Variants in HROB observed in about 807,000 individuals in gnomAD.
The protein encoded by HROB is homologous recombination OB-fold protein.
Under a neutral mutation model 61.0 loss-of-function variants are expected in HROB, and 44 were observed. The observed-to-expected ratio is 0.72, with a 90% CI of 0.57 to 0.93. The LOEUF (loss-of-function observed/expected upper bound fraction) is 0.93. Among genes scored for constraint, HROB ranks in the 40% least tolerant of loss-of-function variants. The probability of loss-of-function intolerance (pLI) is 0.00; values close to 1 mark genes in which losing one functional copy is unlikely to be tolerated. For missense variants in HROB, 716 were observed against 796.2 expected, an observed-to-expected ratio of 0.90 and a Z score of 1.21; for synonymous variants, 301 against 310.4, an observed-to-expected ratio of 0.97 and a Z score of 0.32.
intron 9 of HROB, among the ~76,000 whole-genome samples, chr17:44,160,809 G>C (rs898004081): frequency 1.3e-5 from 2 of 152,138 alleles, no homozygotes; most frequent in African/African-American, 4.8e-5. Flanking sequence ...TCTTATCCTG[G>C]AATCTTGCAT....
intron 9 of HROB, among the ~76,000 whole-genome samples, chr17:44,158,569 G>C (rs982367397): frequency 6.6e-6 from 1 of 151,746 alleles, no homozygotes; most frequent in Admixed American, 6.6e-5. Flanking sequence ...CTGCATCCTC[G>C]GCCTCTAGGC....
At position 44,148,212 on chromosome 17, in the gene HROB, C is replaced by T; in HGVS notation, c.409C>T (p.Leu137=). Residue 137 remains leucine, a synonymous_variant, in exon 3 of 10, where the codon CTA becomes TTA. Coordinates refer to ENST00000585683, the MANE Select transcript of HROB (RefSeq NM_001171251.3). ...ACCTCAGTCCTCAGCCTTACACCCC[C>T]TACTCACCTTTGAGAGCCAACAGCA... ...ARPQSSALHP[L]LTFESQQQQV... The T allele has an allele frequency of 6.2e-7, 1 of 1,614,222 alleles. No individual in the cohort carries two copies. Among genetic ancestry groups the T allele is most frequent in the Non-Finnish European group, 8.5e-7 (1 of 1,180,028 alleles).
rs2053990949 is a variant in HROB, at chr17:44,157,019, A to G, written c.1771-814A>G. ...CACCATATTGGCCAGGCTAGTCTCA[A>G]ACTCCCGACCTCAAGTGATCCTCCT... On this transcript the variant is annotated intron_variant, in intron 8 of 9. Coordinates refer to ENST00000585683, the MANE Select transcript of HROB (RefSeq NM_001171251.3). Among the ~76,000 whole-genome samples the G allele has an allele frequency of 5.9e-5, 9 of 152,002 alleles. No individual in the cohort carries two copies. In the South Asian group the frequency reaches 1.7e-3, roughly 28 times the overall value.
At chr17:44,158,066 A>C (rs1430999474) in intron 9 of HROB, 125 bp downstream of exon 9, 1 of 685,598 alleles carries the variant, frequency 1.5e-6, no homozygotes. Flanking sequence ...ATAATCTTAC[A>C]GAAATCAGAT....
intron 7 of HROB, among the ~76,000 whole-genome samples, 173 bp from the exon 8 acceptor site, chr17:44,155,113 C>G (rs1016759226): frequency 2.0e-5 from 3 of 152,160 alleles, no homozygotes; most frequent in African/African-American, 7.2e-5. Context: ...CCCCATTCTT[C>G]AGGGTGGATA....
chr17:44,144,935 C>T (rs1021606973), intron 1 of HROB, among the ~76,000 whole-genome samples: 5 of 150,398 alleles, frequency 3.3e-5, no homozygotes, highest in African/African-American at 4.9e-5. Context: ...AGGTTGGTCT[C>T]GAACTCCTGA....
rs751428715 is a variant in HROB at position 44,148,450 on chromosome 17, C to T, written c.647C>T (p.Ala216Val). The T allele has an allele frequency of 2.5e-6, 4 of 1,614,116 alleles. No homozygotes were observed. The highest frequency in any genetic ancestry group is 2.5e-6 in the Non-Finnish European group (3 of 1,180,020). The change falls in exon 3 of 10, where the codon GCC becomes GTC. Residue 216 changes from alanine to valine, a missense_variant. Physicochemically the swap from Ala to Val is moderately conservative, Grantham distance 64. Coordinates refer to ENST00000585683, the MANE Select transcript of HROB (RefSeq NM_001171251.3). Reference protein sequence around the residue: ...SGSCQKGPVPAIHKAGIMSAQ... With the variant: ...SGSCQKGPVPVIHKAGIMSAQ... The stretch of plus-strand genomic sequence containing the variant: ...TCTTGCCAGAAGGGGCCTGTGCCTG[C>T]CATCCACAAAGCGGGTATCATGTCC...
At chr17:44,152,905 G>C in intron 5 of HROB, 128 bp downstream of exon 5, 1 of 1,213,856 alleles carries the variant, frequency 8.2e-7, no homozygotes, top group Non-Finnish European at 1.1e-6. Context: ...GCAGCACGAA[G>C]CCCCTTTGGT....
intron 1 of HROB, among the ~76,000 whole-genome samples, chr17:44,143,685 T>C (rs951394236): frequency 2.0e-5 from 3 of 149,754 alleles, no homozygotes; most frequent in Non-Finnish European, 3.0e-5. Context: ...AGCACGGTGG[T>C]GCACACCTGT....
chr17:44,144,794 C>G (rs2053565515), intron 1 of HROB, among the ~76,000 whole-genome samples: 1 of 148,396 alleles, frequency 6.7e-6, no homozygotes, highest in African/African-American at 2.5e-5. Context: ...GGCTGGAGTG[C>G]AACCTCTGCC....
chr17:44,152,683 G>A lies in HROB; in HGVS notation c.1355G>A (p.Gly452Glu). 6.2e-7 allele frequency: 1 copy of A among 1,614,138 alleles called. No homozygotes were observed. Among genetic ancestry groups the A allele is most frequent in the East Asian group, 2.2e-5 (1 of 44,874 alleles). ...QASVEEDFGR[G>E]PWLTMKSTLG... Reference sequence around the variant, plus strand: ...TCTGTGGAGGAGGATTTTGGGCGAGGGCCCTGGCTGACCATGAAATCCACG... The same window carrying A: ...TCTGTGGAGGAGGATTTTGGGCGAGAGCCCTGGCTGACCATGAAATCCACG... The change falls in exon 5 of 10, where the codon GGG becomes GAG. Residue 452 changes from glycine to glutamate, a missense_variant. Coordinates refer to ENST00000585683, the MANE Select transcript of HROB (RefSeq NM_001171251.3).
chr17:44,148,649 A>G lies in HROB; in HGVS notation c.846A>G (p.Gln282=), dbSNP rs765034844. The G allele has an allele frequency of 4.3e-6, 7 of 1,613,652 alleles. No individual in the cohort carries two copies. The highest frequency in any genetic ancestry group is 1.3e-5 in the African/African-American group (1 of 74,898). ...CTGTTCAAGCACTTCAGCCTCTCCA[A>G]GCTGCTAGAGGGACCATTCAGAGCA... ...RSPVQALQPL[Q]AARGTIQSSP... Residue 282 remains glutamine (Q), a synonymous_variant, in exon 3 of 10, where the codon CAA becomes CAG. Transcript: ENST00000585683.
chr17:44,144,180 G>A (rs1221039354), intron 1 of HROB, among the ~76,000 whole-genome samples: 4 of 151,180 alleles, frequency 2.6e-5, no homozygotes, highest in Admixed American at 6.6e-5. Context: ...TTGCCCTGTC[G>A]CCCAGGCTGG....
At chr17:44,159,754 C>G (rs945496439) in intron 9 of HROB, among the ~76,000 whole-genome samples, 1 of 152,218 alleles carries the variant, frequency 6.6e-6, no homozygotes, top group African/African-American at 2.4e-5. Context: ...TTTCTGTGCA[C>G]TTATCAGAGA....
intron 9 of HROB, among the ~76,000 whole-genome samples, chr17:44,160,485 A>G (rs931940963): frequency 3.3e-5 from 5 of 152,102 alleles, no homozygotes; most frequent in South Asian, 2.1e-4. Context: ...GAAGAATGGC[A>G]TGAACCTGGG....
At chr17:44,160,139 G>A (rs531874842) in intron 9 of HROB, among the ~76,000 whole-genome samples, 1 of 152,220 alleles carries the variant, frequency 6.6e-6, no homozygotes, top group Non-Finnish European at 1.5e-5. Context: ...TTATCAGGGC[G>A]TGACAGAGGA....
chr17:44,145,067 C>A, intron 1 of HROB, 136 bp from the exon 2 acceptor site: 2 of 951,790 alleles, frequency 2.1e-6, no homozygotes, highest in Non-Finnish European at 3.3e-6. Flanking sequence ...TTCCTTAGTC[C>A]TTTCCCAGCC....
At chr17:44,154,968 C>A (rs1314936218) in intron 7 of HROB, 30 bp downstream of exon 7, 7 of 1,603,258 alleles carry the variant, frequency 4.4e-6, no homozygotes, top group Admixed American at 3.4e-5. Context: ...ACACCACTGC[C>A]CCCCGGATAG....
At chr17:44,151,145 T>A in intron 4 of HROB, 101 bp downstream of exon 4, 1 of 1,221,194 alleles carries the variant, frequency 8.2e-7, no homozygotes, top group Non-Finnish European at 1.2e-6. Flanking sequence ...CTGCTAGGCC[T>A]GTTTGCTGGT....
Sources: allele counts gnomAD v4.1 joint callset (sites outside exome capture counted in the v4.1 genomes callset), GRCh38; gene constraint gnomAD v4.1.1; transcripts MANE v1.5; gene names NCBI Gene and HGNC (gene_info 2026-07-23, HGNC 2026-07-21).